The following TRIOBP variants were observed in gnomAD, a reference collection of about 807,000 sequenced individuals.
TRIOBP encodes TRIO and F-actin-binding protein.
TRIOBP carries 169 observed loss-of-function variants against 238.8 expected under a neutral mutation model. The observed-to-expected ratio is 0.71, with a 90% CI of 0.62 to 0.80. TRIOBP has a LOEUF of 0.80. TRIOBP is among the 30% of genes least tolerant of loss of function. The pLI is 0.00. For synonymous variants in TRIOBP, 1,150 were observed against 1,274.4 expected (o/e 0.90, Z 2.08); for missense variants, 2,838 against 3,122.6 (o/e 0.91, Z 2.17).
chr22:37,723,192 C>A lies in TRIOBP; in HGVS notation c.636C>A (p.Gly212=). 1 of 1,613,766 alleles carries A rather than the reference C, an allele frequency of 6.2e-7. No homozygotes were observed. The highest frequency in any genetic ancestry group is 2.2e-5 in the East Asian group (1 of 44,886). The change falls in exon 7 of 24, where the codon GGC becomes GGA. Residue 212 remains glycine (G), a synonymous_variant. Transcript: ENST00000644935. ...CCTCTCTTCTCTCTCCAGACACCGG[C>A]GGTGGGGGCCGGAGCGCAGGACAGC... ...DAAGQKKEDT[G]GGGRSAGQHW... is the part of the protein sequence containing the mutation.
At chr22:37,714,842 A>T (rs1017461533) in intron 5 of TRIOBP, among the ~76,000 whole-genome samples, 8 of 151,670 alleles carry the variant, frequency 5.3e-5, no homozygotes, top group Admixed American at 4.6e-4. Flanking sequence ...ATGCCTAGTT[A>T]TTATTATTTT....
chr22:37,713,156 G>A, intron 4 of TRIOBP, 54 bp from the exon 5 acceptor site: 2 of 1,499,578 alleles, frequency 1.3e-6, no homozygotes, highest in Admixed American at 3.9e-5. Context: ...GCCTGGGTGG[G>A]GTGGGGGATG....
chr22:37,768,191 G>A lies in TRIOBP; in HGVS notation c.6575+15G>A. ...AAGCAGCACCAGTAAGATGATGCCG[G>A]GGCCCAACTGCCCACCCTGATGGTT... On this transcript the variant is annotated intron_variant, in intron 19 of 23. Coordinates refer to ENST00000644935, the MANE Select transcript of TRIOBP (RefSeq NM_001039141.3). 2 of 1,598,834 alleles carry A rather than the reference G, an allele frequency of 1.3e-6. No individual in the cohort carries two copies. Among genetic ancestry groups the A allele is most frequent in the Non-Finnish European group, 8.5e-7 (1 of 1,170,682 alleles).
intron 12 of TRIOBP, among the ~76,000 whole-genome samples, chr22:37,752,557 C>G (rs77703963): frequency 6.6e-6 from 1 of 152,196 alleles, no homozygotes; most frequent in Non-Finnish European, 1.5e-5. Flanking sequence ...CTCTGGTCTG[C>G]GTGCAGCCTG....
At chr22:37,716,049 ATAATAG>A (rs1923501588) in intron 6 of TRIOBP, 115 bp downstream of exon 6, 2 of 1,076,528 alleles carry the variant, frequency 1.9e-6, no homozygotes, top group Admixed American at 2.0e-5. Flanking sequence ...CTGAGTGTTA[ATAATAG>A]TAACAGTTTG....
Position 37,761,899 on chromosome 22 carries a change from G to T in TRIOBP, c.6324+2635G>T, listed in dbSNP as rs1926263272. Among the ~76,000 whole-genome samples, 3 of 150,032 alleles carry T rather than the reference G, an allele frequency of 2.0e-5. No individual in the cohort carries two copies. The East Asian group carries it at 5.9e-4, about 30-fold the overall frequency. On this transcript the variant is annotated intron_variant, in intron 17 of 23. Transcript: ENST00000644935. ...CCTGAGGCAGAGAAGGGAGCTGGGG[G>T]CCCAACACCCCAGCTGAGGCAGGTG...
intron 6 of TRIOBP, among the ~76,000 whole-genome samples, chr22:37,716,881 T>C (rs768476220): frequency 4.6e-5 from 7 of 152,202 alleles, no homozygotes; most frequent in Non-Finnish European, 8.8e-5. Context: ...ACTGTAGCAA[T>C]AACTGGTTCA....
At chr22:37,710,369 G>C (rs925544450) in intron 3 of TRIOBP, 58 bp from the exon 4 acceptor site, 103 of 1,607,160 alleles carry the variant, frequency 6.4e-5, no homozygotes, top group African/African-American at 1.1e-4. Flanking sequence ...GGCTGTGCAG[G>C]GGGAGGGGAG....
In TRIOBP at chr22:37,712,944, G is replaced by A. The variant is rs1366660118; in HGVS notation, c.255-266G>A. 2.7e-5 allele frequency among the ~76,000 whole-genome samples: 4 copies of A among 149,350 alleles called. No individual in the cohort carries two copies. In the South Asian group the frequency reaches 6.4e-4, roughly 24 times the overall value. ...TGCACTCCAGCCTGGGTGACAGAGC[G>A]AGACTCTGTCTCAAAATAAATAAAT... On this transcript the variant is annotated intron_variant, in intron 4 of 23. Transcript: ENST00000644935.
chr22:37,753,548 G>A (rs1925743013), intron 12 of TRIOBP, among the ~76,000 whole-genome samples: 2 of 152,208 alleles, frequency 1.3e-5, no homozygotes, highest in African/African-American at 4.8e-5. Flanking sequence ...CAAAGTGCTG[G>A]GATTATAGGC....
At position 37,759,234 on chromosome 22, in the gene TRIOBP, T is replaced by C. The variant is rs1199780428; in HGVS notation, c.6294T>C (p.Asp2098=). The part of the protein sequence containing the change: ...APQSALRSQE[D]GHIPPGYISQ... ...AGAGTGCACTGAGATCCCAGGAGGA[T>C]GGCCACATCCCCCCGGGCTACATCT... The change falls in exon 17 of 24, where the codon GAT becomes GAC. Residue 2098 remains aspartate (D), a synonymous_variant. Transcript: ENST00000644935. The C allele has an allele frequency of 6.2e-7, 1 of 1,612,726 alleles. No homozygotes were observed. Among genetic ancestry groups the C allele is most frequent in the Non-Finnish European group, 8.5e-7 (1 of 1,179,920 alleles).
rs376976291 is a variant in TRIOBP at position 37,765,735 on chromosome 22, G to A, written c.6390G>A (p.Gln2130=). The change falls in exon 18 of 24, where the codon CAG becomes CAA. Residue 2130 remains glutamine, a synonymous_variant. Coordinates refer to ENST00000644935, the MANE Select transcript of TRIOBP (RefSeq NM_001039141.3). ...SSHQQVMEEL[Q]RHHERELQRL... is the part of the protein sequence containing the mutation. ...ACCAGCAGGTGATGGAGGAGCTGCA[G>A]CGGCACCACGAGCGGGAGCTGCAGC... 12 of 1,567,560 alleles carry A rather than the reference G, an allele frequency of 7.7e-6. No homozygotes were observed. In the African/African-American group the frequency reaches 1.6e-4, roughly 21 times the overall value.
intron 16 of TRIOBP, among the ~76,000 whole-genome samples, chr22:37,758,527 T>A (rs984699594): frequency 6.6e-6 from 1 of 151,920 alleles, no homozygotes; most frequent in Admixed American, 6.6e-5. Context: ...AATACAAAAT[T>A]TAGCTGGGCG....
At chr22:37,700,666 G>T (rs1046265823) in intron 2 of TRIOBP, among the ~76,000 whole-genome samples, 2 of 151,840 alleles carry the variant, frequency 1.3e-5, no homozygotes, top group East Asian at 1.9e-4. Context: ...TCCGCCGCCC[G>T]CAATGGGCCC....
At chr22:37,746,138 C>T in intron 11 of TRIOBP, 3 of 997,904 alleles carry the variant, frequency 3.0e-6, no homozygotes, top group Middle Eastern at 4.9e-4. Context: ...CTTCCATTGG[C>T]CCGCCGCGGC....
chr22:37,753,521 C>A (rs1925741899), intron 12 of TRIOBP, among the ~76,000 whole-genome samples: 2 of 152,170 alleles, frequency 1.3e-5, no homozygotes, highest in South Asian at 4.1e-4. Flanking sequence ...TCAGATGATC[C>A]ACCCTTCTCA....
At position 37,756,327 on chromosome 22, in the gene TRIOBP, AG is replaced by A. The variant is rs538632534; in HGVS notation, c.5687+671del. ...AATTTAAAAATCAGCTGGCCGTGGTAGGGTGCGCCTGTCAGCTGAGGTGGGA... is the reference window on the plus strand; with the variant it reads ...AATTTAAAAATCAGCTGGCCGTGGTAGGTGCGCCTGTCAGCTGAGGTGGGA... On this transcript the variant is annotated intron_variant, in intron 15 of 23. Transcript: ENST00000644935. 5.9e-3 allele frequency among the ~76,000 whole-genome samples: 904 copies of A among 152,228 alleles called. 7 individuals carry two copies. The highest frequency in any genetic ancestry group is 8.6e-3 in the Non-Finnish European group (588 of 67,996).
chr22:37,713,036 C>T (rs1409902647), intron 4 of TRIOBP, among the ~76,000 whole-genome samples, 174 bp from the exon 5 acceptor site: 1 of 151,594 alleles, frequency 6.6e-6, no homozygotes, highest in Non-Finnish European at 1.5e-5. Context: ...TGTTTTAGCT[C>T]AATGAGGCAA....
chr22:37,774,304 C>T lies in TRIOBP; in HGVS notation c.*524C>T, dbSNP rs1926937567. Reference sequence around the variant, plus strand: ...CAGGGGAGAGGCGGGAGCCTGCCACCCTCTTCCTGCCCTACCTCCTACTAA... The same window carrying T: ...CAGGGGAGAGGCGGGAGCCTGCCACTCTCTTCCTGCCCTACCTCCTACTAA... On this transcript the variant is annotated 3_prime_UTR_variant, in exon 24 of 24. Transcript: ENST00000644935. 6.6e-6 allele frequency: 1 copy of T among 152,282 alleles called. No individual in the cohort carries two copies. The highest frequency in any genetic ancestry group is 1.5e-5 in the Non-Finnish European group (1 of 68,188). 9.4% of individuals were successfully genotyped at this position (152,282 alleles called of 1,614,324 possible).
Sources: allele counts gnomAD v4.1 joint callset (sites outside exome capture counted in the v4.1 genomes callset), GRCh38; gene constraint gnomAD v4.1.1; transcripts MANE v1.5; gene names NCBI Gene and HGNC (gene_info 2026-07-23, HGNC 2026-07-21).